Variants in KLHL1 observed in about 807,000 individuals in gnomAD.
The protein encoded by KLHL1 is kelch like family member 1.
Under a neutral mutation model 77.7 loss-of-function variants are expected in KLHL1, and 47 were observed. The observed-to-expected ratio is 0.60, with a 90% CI of 0.48 to 0.77. The LOEUF is 0.77. Among genes scored for constraint, KLHL1 ranks in the 30% least tolerant of loss-of-function variants. The pLI, the probability that KLHL1 is intolerant of heterozygous loss-of-function variation, is 0.00. For synonymous variants in KLHL1, 360 were observed against 325.2 expected (o/e 1.11, Z -1.15); for missense variants, 925 against 910.8 (o/e 1.02, Z -0.20).
chr13:69,886,097 AAC>A (rs1881206460), intron 4 of KLHL1, among the ~76,000 whole-genome samples: 1 of 152,140 alleles, frequency 6.6e-6, no homozygotes, highest in Non-Finnish European at 1.5e-5. Context: ...GGTAGTCTAA[AAC>A]TTTGATGGTC....
At chr13:69,781,547 G>C (rs911267641) in intron 7 of KLHL1, among the ~76,000 whole-genome samples, 2 of 151,892 alleles carry the variant, frequency 1.3e-5, no homozygotes, top group East Asian at 3.9e-4. Context: ...CCTTTTAGTT[G>C]ACAGGAATTT....
chr13:69,997,815 A>ATT, intron 1 of KLHL1, among the ~76,000 whole-genome samples: 1 of 149,168 alleles, frequency 6.7e-6, no homozygotes, highest in Middle Eastern at 3.6e-3. Context: ...CCTATTCTTT[A>ATT]TTATATATAT....
At position 69,882,350 on chromosome 13, in the gene KLHL1, A is replaced by G. The variant is rs767463367; in HGVS notation, c.1160T>C (p.Met387Thr). 1.9e-6 allele frequency: 3 copies of G among 1,613,896 alleles called. No homozygotes were observed. The highest frequency in any genetic ancestry group is 1.3e-5 in the African/African-American group (1 of 74,912). Reference sequence around the variant, plus strand: ...GCTCAGGTCATTGCATCTACTCTGCATGTCATACTTGACCCACATCATCAA... The same window carrying G: ...GCTCAGGTCATTGCATCTACTCTGCGTGTCATACTTGACCCACATCATCAA... ...HALMMWVKYD[M>T]QSRCNDLSML... The change falls in exon 5 of 11, where the codon ATG (methionine) becomes ACG (threonine). Residue 387 changes from methionine to threonine, a missense_variant. Coordinates refer to ENST00000377844, the MANE Select transcript of KLHL1 (RefSeq NM_020866.3).
chr13:69,897,403 T>C (rs1454634145), intron 4 of KLHL1, among the ~76,000 whole-genome samples: 1 of 152,224 alleles, frequency 6.6e-6, no homozygotes, highest in Non-Finnish European at 1.5e-5. Flanking sequence ...GTCCTTGACA[T>C]CAACGGACAT....
At chr13:69,902,018 T>C (rs1881885370) in intron 4 of KLHL1, among the ~76,000 whole-genome samples, 1 of 152,166 alleles carries the variant, frequency 6.6e-6, no homozygotes, top group African/African-American at 2.4e-5. Context: ...CAGGCTGGTC[T>C]TGAACTCCCA....
At chr13:70,081,315 A>C (rs1281342394) in intron 1 of KLHL1, among the ~76,000 whole-genome samples, 1 of 152,200 alleles carries the variant, frequency 6.6e-6, no homozygotes, top group Non-Finnish European at 1.5e-5. Context: ...GGGTTTTTTT[A>C]AGCCAGAAGT....
chr13:69,727,727 A>G (rs1873364035), intron 8 of KLHL1, among the ~76,000 whole-genome samples: 1 of 152,198 alleles, frequency 6.6e-6, no homozygotes, highest in Non-Finnish European at 1.5e-5. Context: ...CAATTGGCAT[A>G]TATCTTAGCC....
At chr13:69,980,972 C>T (rs561072460) in intron 1 of KLHL1, among the ~76,000 whole-genome samples, 1 of 152,190 alleles carries the variant, frequency 6.6e-6, no homozygotes, top group South Asian at 2.1e-4. Flanking sequence ...TTTCCATACA[C>T]CACACAGATG....
chr13:70,086,060 G>C (rs1887528810), intron 1 of KLHL1, among the ~76,000 whole-genome samples: 1 of 152,030 alleles, frequency 6.6e-6, no homozygotes. Flanking sequence ...CAGGTAGGAT[G>C]CCATATTACT....
In KLHL1 at chr13:70,077,508, T is replaced by C. The variant is rs111418432; in HGVS notation, c.497+29695A>G. 8.0e-3 allele frequency among the ~76,000 whole-genome samples: 1,214 copies of C among 151,486 alleles called. 17 individuals are homozygous for C. Among genetic ancestry groups the C allele is most frequent in the African/African-American group, 0.027 (1,113 of 40,946 alleles). On this transcript the variant is annotated intron_variant, in intron 1 of 10. Transcript: ENST00000377844. ...TTGGGGGCAGTGAAATTATTATGTA[T>C]GATCCTAAAATAATACATGAAATTA...
chr13:69,924,843 T>C (rs986669054), intron 4 of KLHL1, among the ~76,000 whole-genome samples: 1 of 152,214 alleles, frequency 6.6e-6, no homozygotes, highest in African/African-American at 2.4e-5. Flanking sequence ...GATACCACCA[T>C]GTTCCCCAGT....
At chr13:69,833,100 T>C (rs534943429) in intron 6 of KLHL1, among the ~76,000 whole-genome samples, 15 of 152,032 alleles carry the variant, frequency 9.9e-5, no homozygotes, top group South Asian at 6.2e-4. Flanking sequence ...CAAAGATAAA[T>C]AGATAGGCCT....
chr13:70,012,060 C>A (rs1253056607), intron 1 of KLHL1, among the ~76,000 whole-genome samples: 2 of 152,036 alleles, frequency 1.3e-5, no homozygotes, highest in Non-Finnish European at 2.9e-5. Flanking sequence ...TTCACTATCA[C>A]AAAAACAGCA....
At chr13:70,083,759 T>A (rs1284299038) in intron 1 of KLHL1, among the ~76,000 whole-genome samples, 1 of 152,152 alleles carries the variant, frequency 6.6e-6, no homozygotes, top group Non-Finnish European at 1.5e-5. Context: ...TTGCACTAAC[T>A]ACTCCACTTA....
At chr13:69,795,883 T>A (rs533876820) in intron 7 of KLHL1, among the ~76,000 whole-genome samples, 26 of 152,206 alleles carry the variant, frequency 1.7e-4, no homozygotes, top group Non-Finnish European at 3.7e-4. Flanking sequence ...TATTGTCCTC[T>A]TCCCCACAGA....
At chr13:69,787,810 GA>G (rs913489384) in intron 7 of KLHL1, among the ~76,000 whole-genome samples, 1 of 151,314 alleles carries the variant, frequency 6.6e-6, no homozygotes, top group Admixed American at 6.6e-5. Flanking sequence ...AAATTTACAA[GA>G]AAAAAACAAA....
intron 8 of KLHL1, among the ~76,000 whole-genome samples, chr13:69,723,750 A>G (rs532769409): frequency 6.6e-6 from 1 of 152,282 alleles, no homozygotes; most frequent in South Asian, 2.1e-4. Flanking sequence ...TTTCATCTAC[A>G]TGATAAAACC....
intron 1 of KLHL1, among the ~76,000 whole-genome samples, chr13:70,049,711 A>G (rs567917467): frequency 1.3e-5 from 2 of 152,270 alleles, no homozygotes; most frequent in African/African-American, 4.8e-5. Context: ...AAGAAAGGGC[A>G]TTTTGGTGGC....
intron 1 of KLHL1, among the ~76,000 whole-genome samples, chr13:70,086,411 C>A (rs2137436110): frequency 6.6e-6 from 1 of 151,304 alleles, no homozygotes; most frequent in African/African-American, 2.4e-5. Flanking sequence ...GTCAAAACTC[C>A]ATCTCTATCA....
Sources: gnomAD v4.1 joint callset for allele counts (sites outside exome capture counted in the v4.1 genomes callset) on GRCh38, gnomAD v4.1.1 for gene constraint, MANE v1.5 for transcripts, NCBI Gene and HGNC (gene_info 2026-07-23, HGNC 2026-07-21) for gene names.